THSD7B: variants seen among roughly 807,000 people sequenced by gnomAD.
THSD7B encodes the protein thrombospondin type 1 domain containing 7B, also known as thrombospondin type-1 domain-containing protein 7B.
A neutral mutation model predicts 213.6 loss-of-function variants in THSD7B; 138 were observed. The ratio of observed to expected loss-of-function variants is 0.65; its 90% CI spans 0.56 to 0.74. The LOEUF (loss-of-function observed/expected upper bound fraction) is 0.74, where lower values mean the gene tolerates loss of function less well. Among genes scored for constraint, THSD7B ranks in the 30% least tolerant of loss-of-function variants. THSD7B has a pLI of 0.00. For synonymous variants in THSD7B, 742 were observed against 687.0 expected, an observed-to-expected ratio of 1.08 and a Z score of -1.25; for missense variants, 1,931 against 1,991.5, an observed-to-expected ratio of 0.97 and a Z score of 0.58.
chr2:137,380,958 G>A (rs1685760750), intron 12 of THSD7B, among the ~76,000 whole-genome samples: 1 of 152,218 alleles, frequency 6.6e-6, no homozygotes, highest in Non-Finnish European at 1.5e-5. Flanking sequence ...GCCACGGTGT[G>A]TACCCAGGCT....
intron 12 of THSD7B, among the ~76,000 whole-genome samples, chr2:137,299,702 T>A (rs1337840972): frequency 1.3e-5 from 2 of 152,158 alleles, no homozygotes; most frequent in Non-Finnish European, 2.9e-5. Context: ...TTCACACTTT[T>A]AAAAATATTA....
chr2:136,921,107 C>A (rs1281576320), intron 2 of THSD7B, among the ~76,000 whole-genome samples: 1 of 151,776 alleles, frequency 6.6e-6, no homozygotes, highest in East Asian at 2.0e-4. Context: ...CTGCTCCTGG[C>A]TCCCACACCA....
intron 15 of THSD7B, among the ~76,000 whole-genome samples, chr2:137,475,950 C>T (rs1688182899): frequency 1.3e-5 from 2 of 151,972 alleles, no homozygotes; most frequent in Non-Finnish European, 2.9e-5. Flanking sequence ...AGAAGAGATC[C>T]CTTTTCTTTG....
chr2:136,846,576 C>T (rs1683013258), intron 1 of THSD7B, among the ~76,000 whole-genome samples: 1 of 152,140 alleles, frequency 6.6e-6, no homozygotes, highest in Non-Finnish European at 1.5e-5. Flanking sequence ...TATTGAAAAG[C>T]ACTCTGTGAT....
At chr2:137,095,888 G>A (rs977054144) in intron 4 of THSD7B, among the ~76,000 whole-genome samples, 3 of 152,078 alleles carry the variant, frequency 2.0e-5, no homozygotes, top group East Asian at 1.9e-4. Flanking sequence ...TTTGTATAGA[G>A]ATGGGGTCTC....
chr2:137,488,486 C>A (rs1688526453), intron 15 of THSD7B, among the ~76,000 whole-genome samples: 1 of 151,826 alleles, frequency 6.6e-6, no homozygotes, highest in African/African-American at 2.4e-5. Context: ...TAAGATTGGC[C>A]CTACCTATAA....
chr2:137,653,715 C>G (rs1683179712), intron 21 of THSD7B, among the ~76,000 whole-genome samples: 1 of 150,620 alleles, frequency 6.6e-6, no homozygotes, highest in Admixed American at 6.7e-5. Flanking sequence ...TTGAGAGCCT[C>G]TAATGAATTT....
In THSD7B at chr2:136,858,415, C is replaced by T. The variant is rs75328110; in HGVS notation, c.-35-23729C>T. Among the ~76,000 whole-genome samples the T allele has an allele frequency of 3.1e-3, 476 of 152,292 alleles. 4 individuals are homozygous for T. The East Asian group carries it at 0.045, about 14-fold the overall frequency. On this transcript the variant is annotated intron_variant, in intron 1 of 27. Coordinates refer to ENST00000409968, the MANE Select transcript of THSD7B (RefSeq NM_001316349.2). ...TAAGTTGTTATTGCCATTGTCTATT[C>T]ATGCCACACAATATAAGGCTAATGG...
chr2:137,537,669 T>A (rs1368166526), intron 15 of THSD7B, among the ~76,000 whole-genome samples: 1 of 151,720 alleles, frequency 6.6e-6, no homozygotes. Flanking sequence ...GTCTATTACA[T>A]AAAAGAGTAA....
At chr2:137,297,922 G>A (rs2082834) in intron 12 of THSD7B, among the ~76,000 whole-genome samples, 41,350 of 151,994 alleles carry the variant, frequency 0.27, 5,932 homozygotes, top group South Asian at 0.45. Context: ...GTCTTTATCA[G>A]CAGTGTGAAA....
At chr2:136,876,629 T>C (rs992579435) in intron 1 of THSD7B, among the ~76,000 whole-genome samples, 1 of 152,244 alleles carries the variant, frequency 6.6e-6, no homozygotes, top group Admixed American at 6.5e-5. Context: ...GTGTTGCTTC[T>C]TAAAGCATGT....
intron 5 of THSD7B, among the ~76,000 whole-genome samples, chr2:137,134,144 A>G (rs1490655664): frequency 6.6e-6 from 1 of 152,178 alleles, no homozygotes; most frequent in Admixed American, 6.5e-5. Context: ...TATTATTTCC[A>G]TTATACACAG....
intron 2 of THSD7B, among the ~76,000 whole-genome samples, chr2:136,885,138 C>T (rs1382267010): frequency 1.3e-5 from 2 of 152,120 alleles, no homozygotes; most frequent in East Asian, 3.9e-4. Context: ...GAACAGATTT[C>T]CATGGAGACC....
chr2:137,295,256 G>A (rs1410387847), intron 12 of THSD7B, among the ~76,000 whole-genome samples: 2 of 152,110 alleles, frequency 1.3e-5, no homozygotes, highest in Admixed American at 6.5e-5. Context: ...TCAATTGAAT[G>A]AGTATTTAGT....
intron 7 of THSD7B, among the ~76,000 whole-genome samples, chr2:137,225,597 G>T (rs1558965181): frequency 6.6e-6 from 1 of 152,080 alleles, no homozygotes; most frequent in Non-Finnish European, 1.5e-5. Context: ...CATGCCTCAG[G>T]TGTAACAATA....
At chr2:137,143,868 T>A (rs905421526) in intron 5 of THSD7B, among the ~76,000 whole-genome samples, 1 of 152,150 alleles carries the variant, frequency 6.6e-6, no homozygotes, top group African/African-American at 2.4e-5. Flanking sequence ...GGATCTTTTT[T>A]TAACCAATCA....
chr2:137,147,309 C>T (rs781039350), intron 5 of THSD7B, among the ~76,000 whole-genome samples: 12 of 152,114 alleles, frequency 7.9e-5, no homozygotes, highest in Admixed American at 1.3e-4. Context: ...AAAAATTCTG[C>T]GGACTCTTGT....
At position 137,054,232 on chromosome 2, in the gene THSD7B, G is replaced by T. The variant is rs148418767; in HGVS notation, c.140-2188G>T. Among the ~76,000 whole-genome samples the T allele has an allele frequency of 4.3e-3, 655 of 152,336 alleles. 4 individuals carry two copies. The highest frequency in any genetic ancestry group is 7.1e-3 in the Non-Finnish European group (484 of 68,030). ...TGCTGGGACAACAGACTGGAGGAAG[G>T]TAGTGGGCAAACTCAGGGGCATTTT... is the stretch of plus-strand genomic sequence containing the variant. On this transcript the variant is annotated intron_variant, in intron 2 of 27. Coordinates refer to ENST00000409968, the MANE Select transcript of THSD7B (RefSeq NM_001316349.2).
intron 4 of THSD7B, among the ~76,000 whole-genome samples, chr2:137,113,049 G>T (rs1688378134): frequency 6.6e-6 from 1 of 152,134 alleles, no homozygotes; most frequent in Non-Finnish European, 1.5e-5. Flanking sequence ...TGTCTTCTTT[G>T]TTAATGATAT....
Sources: gnomAD v4.1 joint callset for allele counts (sites outside exome capture counted in the v4.1 genomes callset) on GRCh38, gnomAD v4.1.1 for gene constraint, MANE v1.5 for transcripts, NCBI Gene and HGNC (gene_info 2026-07-23, HGNC 2026-07-21) for gene names.